The following LARGE1 variants were observed in gnomAD, a reference collection of about 807,000 sequenced individuals.
LARGE1 encodes the protein xylosyl- and glucuronyltransferase LARGE1.
Under a neutral mutation model 87.6 loss-of-function variants are expected in LARGE1, and 43 were observed. That is an observed-to-expected ratio of 0.49 (90% confidence interval 0.38 to 0.63). The LOEUF is 0.63. Among genes scored for constraint, LARGE1 ranks in the 30% least tolerant of loss-of-function variants. LARGE1 has a pLI of 0.00. For missense variants in LARGE1, 802 were observed against 1,000.2 expected, an observed-to-expected ratio of 0.80 and a Z score of 2.67; for synonymous variants, 434 against 394.6, an observed-to-expected ratio of 1.10 and a Z score of -1.18.
the LARGE1 span, among the ~76,000 whole-genome samples, chr22:33,073,065 T>C: frequency 6.6e-6 from 1 of 152,224 alleles, no homozygotes; most frequent in Non-Finnish European, 1.5e-5. Context: ...GAACATCATG[T>C]CAACTCTCAT....
intron 9 of LARGE1, among the ~76,000 whole-genome samples, chr22:33,356,138 A>T (rs1281718794): frequency 6.6e-6 from 1 of 152,250 alleles, no homozygotes; most frequent in East Asian, 1.9e-4. Context: ...TTCCAGAGAC[A>T]TCACTTTGCT....
chr22:33,106,826 A>C, the LARGE1 span, among the ~76,000 whole-genome samples: 7 of 152,222 alleles, frequency 4.6e-5, no homozygotes, highest in African/African-American at 1.7e-4. Context: ...CAAAAACCGC[A>C]ATTACTTTTG....
intron 1 of LARGE1, among the ~76,000 whole-genome samples, chr22:33,812,130 C>A (rs2086515763): frequency 6.6e-6 from 1 of 152,216 alleles, no homozygotes; most frequent in South Asian, 2.1e-4. Flanking sequence ...CGATTAACAA[C>A]ATGTACACAC....
intron 1 of LARGE1, among the ~76,000 whole-genome samples, chr22:33,847,688 G>A (rs556737877): frequency 1.3e-5 from 2 of 152,278 alleles, no homozygotes; most frequent in Non-Finnish European, 1.5e-5. Flanking sequence ...TGTACTACAC[G>A]ATAGACTCAA....
chr22:33,616,651 T>TG (rs2079591033), intron 4 of LARGE1, among the ~76,000 whole-genome samples: 1 of 152,154 alleles, frequency 6.6e-6, no homozygotes, highest in Non-Finnish European at 1.5e-5. Context: ...AATGAAGAAC[T>TG]GATACATGCT....
chr22:33,490,431 T>C (rs1194991924), intron 6 of LARGE1, among the ~76,000 whole-genome samples: 1 of 151,924 alleles, frequency 6.6e-6, no homozygotes, highest in East Asian at 1.9e-4. Flanking sequence ...AAATAGTGCA[T>C]GTAAAGTGTT....
At chr22:33,499,918 C>T (rs530497578) in intron 6 of LARGE1, among the ~76,000 whole-genome samples, 85 of 152,176 alleles carry the variant, frequency 5.6e-4, no homozygotes, top group Non-Finnish European at 8.5e-4. Context: ...GGATTACAGG[C>T]GCGGGACACC....
At chr22:33,158,493 T>A (rs573647091), downstream of LARGE1, among the ~76,000 whole-genome samples, 1 of 152,294 alleles carries the variant, frequency 6.6e-6, no homozygotes, top group South Asian at 2.1e-4. Context: ...TGATATATTA[T>A]AACATCTTCC....
At chr22:33,511,362 C>A (rs1224559024) in intron 6 of LARGE1, among the ~76,000 whole-genome samples, 1 of 152,138 alleles carries the variant, frequency 6.6e-6, no homozygotes. Context: ...ATACAGACAA[C>A]AAGGGTGATA....
intron 2 of LARGE1, among the ~76,000 whole-genome samples, chr22:33,748,570 A>G (rs2145609113): frequency 2.0e-5 from 3 of 152,248 alleles, no homozygotes; most frequent in Middle Eastern, 6.8e-3. Flanking sequence ...AGCACCCCCA[A>G]TTTACGCAGA....
the LARGE1 span, among the ~76,000 whole-genome samples, chr22:33,089,328 TTC>T: frequency 1.8e-5 from 1 of 54,788 alleles, no homozygotes; most frequent in African/African-American, 1.0e-4. Context: ...TTCTTTCTTC[TTC>T]TTCTTCTTCT....
At chr22:33,587,923 A>T (rs2078724021) in intron 5 of LARGE1, among the ~76,000 whole-genome samples, 1 of 152,200 alleles carries the variant, frequency 6.6e-6, no homozygotes, top group South Asian at 2.1e-4. Flanking sequence ...CAATCACATT[A>T]ATGCCTTTTG....
the LARGE1 span, among the ~76,000 whole-genome samples, chr22:33,089,940 G>A: frequency 1.1e-4 from 16 of 151,374 alleles, no homozygotes; most frequent in Admixed American, 9.9e-4. Context: ...TACTGTTTAT[G>A]TGCTTAGGAG....
intron 6 of LARGE1, among the ~76,000 whole-genome samples, chr22:33,458,705 T>C (rs1400814736): frequency 2.0e-5 from 3 of 151,822 alleles, no homozygotes; most frequent in East Asian, 1.9e-4. Context: ...TGGGATTACA[T>C]GCGTGAGCCA....
intron 1 of LARGE1, among the ~76,000 whole-genome samples, chr22:33,785,090 T>C (rs1786805207): frequency 6.7e-6 from 1 of 150,016 alleles, no homozygotes; most frequent in Non-Finnish European, 1.5e-5. Flanking sequence ...TACATATGTG[T>C]ATATACATGT....
At chr22:33,094,600 T>A in the LARGE1 span, among the ~76,000 whole-genome samples, 1 of 151,826 alleles carries the variant, frequency 6.6e-6, no homozygotes, top group African/African-American at 2.4e-5. Context: ...TTTCTTTCTT[T>A]TTTTTTTTTG....
chr22:33,762,561 T>C (rs1230408923), intron 1 of LARGE1, among the ~76,000 whole-genome samples: 1 of 152,150 alleles, frequency 6.6e-6, no homozygotes, highest in Admixed American at 6.5e-5. Flanking sequence ...TCTTCATAGC[T>C]TCCACCCTCA....
intron 3 of LARGE1, among the ~76,000 whole-genome samples, chr22:33,628,925 G>T (rs2080016672): frequency 1.3e-5 from 2 of 152,106 alleles, no homozygotes; most frequent in Admixed American, 1.3e-4. Flanking sequence ...ATCCCACAAT[G>T]CACAAGACAG....
At chr22:33,411,683 A>T (rs2066309262) in intron 7 of LARGE1, among the ~76,000 whole-genome samples, 1 of 152,220 alleles carries the variant, frequency 6.6e-6, no homozygotes, top group African/African-American at 2.4e-5. Context: ...GGGTAATGAG[A>T]ATATCTATGT....
Sources: gnomAD v4.1 joint callset for allele counts (sites outside exome capture counted in the v4.1 genomes callset) on GRCh38, gnomAD v4.1.1 for gene constraint, MANE v1.5 for transcripts, NCBI Gene and HGNC (gene_info 2026-07-23, HGNC 2026-07-21) for gene names.